ANK3: variants seen among roughly 807,000 people sequenced by gnomAD.
ANK3 encodes the protein ankyrin-3.
Under a neutral mutation model 370.9 loss-of-function variants are expected in ANK3, and 57 were observed. The ratio of observed to expected loss-of-function variants is 0.15; its 90% confidence interval spans 0.12 to 0.19. The LOEUF (loss-of-function observed/expected upper bound fraction) is 0.19. ANK3 is among the 10% of genes least tolerant of loss of function. The pLI, the probability that ANK3 is intolerant of heterozygous loss-of-function variation, is 1.00. For synonymous variants in ANK3, 1,929 were observed against 1,946.3 expected (o/e 0.99, Z 0.23); for missense variants, 4,439 against 5,302.1 (o/e 0.84, Z 5.06).
At chr10:60,424,056 C>T (rs1413124925) in intron 2 of ANK3, among the ~76,000 whole-genome samples, 2 of 152,010 alleles carry the variant, frequency 1.3e-5, no homozygotes, top group Non-Finnish European at 2.9e-5. Context: ...ACTGTCAGCA[C>T]TTTGCTATGC....
chr10:60,169,606 G>C (rs779390194), intron 21 of ANK3, among the ~76,000 whole-genome samples: 2 of 152,006 alleles, frequency 1.3e-5, no homozygotes, highest in African/African-American at 4.8e-5. Context: ...GAATCACTAT[G>C]TTCAGCCCAC....
rs140934438 is a variant in ANK3 at position 60,595,154 on chromosome 10, G to A, written c.96+20032C>T. 3.2e-4 allele frequency among the ~76,000 whole-genome samples: 49 copies of A among 152,238 alleles called. No individual in the cohort carries two copies. The East Asian group carries it at 7.5e-3, about 23-fold the overall frequency. On this transcript the variant is annotated intron_variant, in intron 2 of 43. Coordinates refer to the ANK3 transcript ENST00000373827. ...ACAGTAGCAGGTAAAAGAGCTTCAC[G>A]TTTTTGTAACTGTCCCATGGCTTCT...
At chr10:60,045,381 T>C (rs762323073) in intron 42 of ANK3, among the ~76,000 whole-genome samples, 13 of 152,180 alleles carry the variant, frequency 8.5e-5, no homozygotes, top group Non-Finnish European at 1.3e-4. Flanking sequence ...TTTCCTGTCA[T>C]AGACAGCTTG....
In ANK3 at chr10:60,082,674, T is replaced by C. The variant is rs1287158717; in HGVS notation, c.4264A>G (p.Lys1422Glu). Residue 1422 changes from lysine to glutamate, a missense_variant, in exon 34 of 44, where the codon AAA becomes GAA. This residue lies in a region of ANK3 where 702 missense variants were observed against 941.5 expected (regional missense o/e 0.75). Transcript: ENST00000280772. ...CAAACCGCTGTTTGAGGCAGTCCTT[T>C]TGTTGTCTTTGGTTCTTTCAGAAAA... ...LSFLKEPKTTKGLPQTAVCNL... is the reference protein window; with the variant it reads ...LSFLKEPKTTEGLPQTAVCNL... The C allele has an allele frequency of 6.2e-7, 1 of 1,614,130 alleles. No homozygotes were observed. Among genetic ancestry groups the C allele is most frequent in the Non-Finnish European group, 8.5e-7 (1 of 1,179,970 alleles).
Position 60,729,886 on chromosome 10 carries a change from A to G in ANK3, c.57+3377T>C, listed in dbSNP as rs576226131. 2.5e-3 allele frequency among the ~76,000 whole-genome samples: 384 copies of G among 152,274 alleles called. 1 individual carries two copies. Among genetic ancestry groups the G allele is most frequent in the Non-Finnish European group, 4.7e-3 (319 of 68,016 alleles). Reference sequence around the variant, plus strand: ...GGAGTAATTTCCATAAAACTTCAACAAATTACTTCTATTTTGGTACCACTG... The same window carrying G: ...GGAGTAATTTCCATAAAACTTCAACGAATTACTTCTATTTTGGTACCACTG... On this transcript the variant is annotated intron_variant, in intron 1 of 43. Coordinates refer to the ANK3 transcript ENST00000373827.
intron 1 of ANK3, among the ~76,000 whole-genome samples, chr10:60,341,421 T>G (rs74775577): frequency 0.024 from 3,675 of 152,230 alleles, 65 homozygotes; most frequent in Non-Finnish European, 0.037. Context: ...AAAACAGGCC[T>G]TATGTTTCCC....
At chr10:60,209,816 G>C (rs1007001411) in intron 9 of ANK3, among the ~76,000 whole-genome samples, 2 of 152,030 alleles carry the variant, frequency 1.3e-5, no homozygotes, top group African/African-American at 4.8e-5. Flanking sequence ...CAAAATCTGA[G>C]AGAACAAGTA....
intron 5 of ANK3, 107 bp from the exon 6 acceptor site, chr10:60,264,127 G>A: frequency 6.3e-6 from 6 of 950,764 alleles, no homozygotes; most frequent in South Asian, 6.2e-5. Context: ...TTTTTGTTTG[G>A]GATTATTAAA....
intron 1 of ANK3, among the ~76,000 whole-genome samples, chr10:60,295,217 A>T (rs1446767567): frequency 6.6e-6 from 1 of 152,134 alleles, no homozygotes; most frequent in Admixed American, 6.6e-5. Flanking sequence ...CAGAGTTCAG[A>T]CTCTGGACCC....
At chr10:60,398,919 T>C (rs984791842) in intron 2 of ANK3, among the ~76,000 whole-genome samples, 2 of 152,180 alleles carry the variant, frequency 1.3e-5, no homozygotes, top group African/African-American at 4.8e-5. Context: ...GGAGAGGGCA[T>C]AGGAAGTTCT....
At position 60,250,657 on chromosome 10, in the gene ANK3, A is replaced by G. The variant is rs563143186; in HGVS notation, c.798+11202T>C. 2.1e-3 allele frequency among the ~76,000 whole-genome samples: 321 copies of G among 152,032 alleles called. 1 individual carries two copies. The highest frequency in any genetic ancestry group is 6.2e-3 in the African/African-American group (257 of 41,468). ...TGGGATTACGGGCATGAGCCACCGC[A>G]CCCGGCCTGCTTTTATATTTTAAAC... On this transcript the variant is annotated intron_variant, in intron 7 of 43. Transcript: ENST00000280772.
At chr10:60,133,462 A>G (rs1271189851) in intron 25 of ANK3, among the ~76,000 whole-genome samples, 1 of 152,228 alleles carries the variant, frequency 6.6e-6, no homozygotes, top group African/African-American at 2.4e-5. Flanking sequence ...ACAAACACCA[A>G]ATGCATGTAG....
intron 1 of ANK3, among the ~76,000 whole-genome samples, chr10:60,632,688 A>AC (rs2078500688): frequency 6.6e-6 from 1 of 152,034 alleles, no homozygotes; most frequent in Non-Finnish European, 1.5e-5. Flanking sequence ...AGAGTTTGAG[A>AC]CCAGTCTGGG....
At chr10:60,172,287 G>C (rs777116798) in intron 21 of ANK3, 21 bp downstream of exon 21, 3 of 1,594,264 alleles carry the variant, frequency 1.9e-6, no homozygotes, top group South Asian at 1.1e-5. Flanking sequence ...AGGGTAACAA[G>C]GTTCTGCATT....
chr10:60,432,929 C>T (rs1021076489), intron 2 of ANK3, among the ~76,000 whole-genome samples: 1 of 152,110 alleles, frequency 6.6e-6, no homozygotes, highest in African/African-American at 2.4e-5. Flanking sequence ...CGCATCAGCC[C>T]ACTCCATCAT....
At position 60,668,839 on chromosome 10, in the gene ANK3, A is replaced by T. The variant is rs1308084622; in HGVS notation, c.58-53615T>A. On this transcript the variant is annotated intron_variant, in intron 1 of 43. Coordinates refer to the ANK3 transcript ENST00000373827. ...AAACCTCATCTCTACTAATAAATAC[A>T]AAAATTAGCCGGGCGCGGTGGCGTG... Among the ~76,000 whole-genome samples, 4 of 152,222 alleles carry T rather than the reference A, an allele frequency of 2.6e-5. No individual in the cohort carries two copies. In the East Asian group the frequency reaches 7.7e-4, roughly 29 times the overall value.
chr10:60,549,142 C>CACAA (rs1312831503), intron 2 of ANK3, among the ~76,000 whole-genome samples: 3 of 19,488 alleles, frequency 1.5e-4, no homozygotes, highest in African/African-American at 3.5e-4. Flanking sequence ...ATGTTTCATA[C>CACAA]ACACACACAC....
Position 60,109,039 on chromosome 10 carries a change from A to G in ANK3, c.2964T>C (p.Phe988=). The G allele has an allele frequency of 3.1e-6, 5 of 1,613,174 alleles. No homozygotes were observed. The highest frequency in any genetic ancestry group is 4.2e-6 in the Non-Finnish European group (5 of 1,179,922). ...TGGAGCCCCCTCTCGCGTCCACCAT[A>G]AAGCTAACCAGAAACCTGAGGGGAG... ...SPIHSGFLVS[F]MVDARGGSMR... is the part of the protein sequence containing the mutation. Residue 988 remains phenylalanine, a synonymous_variant, in exon 27 of 44, where the codon TTT becomes TTC. Coordinates refer to ENST00000280772, the MANE Select transcript of ANK3 (RefSeq NM_020987.5).
chr10:60,085,403 C>T (rs548765805), intron 30 of ANK3, 150 bp from the exon 31 acceptor site: 8 of 475,896 alleles, frequency 1.7e-5, no homozygotes, highest in African/African-American at 1.4e-4. Flanking sequence ...GGTAGTTTTC[C>T]TCTCTACTCT....
Sources: allele counts gnomAD v4.1 joint callset (sites outside exome capture counted in the v4.1 genomes callset), GRCh38; gene constraint gnomAD v4.1.1; regional missense constraint gnomAD v4.1.1; transcripts MANE v1.5; gene names NCBI Gene and HGNC (gene_info 2026-07-23, HGNC 2026-07-21).